MAGI2: variants seen among roughly 807,000 people sequenced by gnomAD.
The protein encoded by MAGI2 is membrane-associated guanylate kinase, WW and PDZ domain-containing protein 2.
MAGI2 carries 35 observed loss-of-function variants against 133.3 expected under a neutral mutation model. The ratio of observed to expected loss-of-function variants is 0.26; its 90% CI spans 0.20 to 0.35. The LOEUF is 0.35. Among genes scored for constraint, MAGI2 ranks in the 10% least tolerant of loss-of-function variants. The probability of loss-of-function intolerance (pLI) is 1.00; values close to 1 mark genes in which losing one functional copy is unlikely to be tolerated. For missense variants in MAGI2, 1,636 were observed against 1,863.4 expected (o/e 0.88, Z 2.25); for synonymous variants, 729 against 710.6 (o/e 1.03, Z -0.41).
chr7:78,765,949 G>C lies in MAGI2; in HGVS notation c.419-138710C>G, dbSNP rs1012122206. ...AGCAGAGGCACCAGCATGTGCTAAG[G>C]TCCTGAGAGGGAAGGAAATATGATG... On this transcript the variant is annotated intron_variant, in intron 2 of 21. Transcript: ENST00000354212. Among the ~76,000 whole-genome samples the C allele has an allele frequency of 2.0e-5, 3 of 152,310 alleles. No homozygotes were observed. The East Asian group carries it at 5.8e-4, about 30-fold the overall frequency.
chr7:78,997,609 A>G (rs1806437501), intron 2 of MAGI2, among the ~76,000 whole-genome samples: 1 of 151,590 alleles, frequency 6.6e-6, no homozygotes, highest in Non-Finnish European at 1.5e-5. Context: ...CTCAATTAAA[A>G]AAAAAAAAAA....
chr7:79,140,934 A>T (rs1673428911), intron 1 of MAGI2, among the ~76,000 whole-genome samples: 1 of 152,324 alleles, frequency 6.6e-6, no homozygotes, highest in Non-Finnish European at 1.5e-5. Flanking sequence ...GTTTGGTTAT[A>T]GCATCAATAC....
At position 78,764,496 on chromosome 7, in the gene MAGI2, G is replaced by A. The variant is rs141277531; in HGVS notation, c.419-137257C>T. Among the ~76,000 whole-genome samples, 829 of 152,316 alleles carry A rather than the reference G, an allele frequency of 5.4e-3. 9 individuals are homozygous for A. The highest frequency in any genetic ancestry group is 0.019 in the African/African-American group (793 of 41,586). ...TTTATACTTAGGAAAGGAAATGTGAGTAGTATCTTAACACAGCTTGTGCTA... is the reference window on the plus strand; with the variant it reads ...TTTATACTTAGGAAAGGAAATGTGAATAGTATCTTAACACAGCTTGTGCTA... On this transcript the variant is annotated intron_variant, in intron 2 of 21. Coordinates refer to ENST00000354212, the MANE Select transcript of MAGI2 (RefSeq NM_012301.4).
chr7:78,310,305 C>T (rs377280541), intron 9 of MAGI2, among the ~76,000 whole-genome samples: 12 of 152,076 alleles, frequency 7.9e-5, no homozygotes, highest in East Asian at 3.9e-4. Context: ...CATGGTGGCA[C>T]GCACCTGTAG....
At chr7:78,455,515 G>A (rs955280494) in intron 6 of MAGI2, among the ~76,000 whole-genome samples, 1 of 152,064 alleles carries the variant, frequency 6.6e-6, no homozygotes, top group African/African-American at 2.4e-5. Flanking sequence ...TTTTCAACCA[G>A]TTTTAAATAT....
At chr7:79,105,597 G>C in intron 1 of MAGI2, among the ~76,000 whole-genome samples, 1 of 152,158 alleles carries the variant, frequency 6.6e-6, no homozygotes, top group East Asian at 1.9e-4. Flanking sequence ...TTGCTTCTCA[G>C]CTGCCTCTGT....
At chr7:79,014,860 C>T (rs1808530346) in intron 1 of MAGI2, among the ~76,000 whole-genome samples, 1 of 151,984 alleles carries the variant, frequency 6.6e-6, no homozygotes, top group South Asian at 2.1e-4. Flanking sequence ...TGGTTTATTG[C>T]CTCTCTAACT....
rs115509158 is a variant in MAGI2 at position 78,235,441 on chromosome 7, C to G, written c.2047+20502G>C. 5.7e-3 allele frequency among the ~76,000 whole-genome samples: 874 copies of G among 152,270 alleles called. 9 individuals carry two copies. The highest frequency in any genetic ancestry group is 0.02 in the African/African-American group (815 of 41,566). ...TGAACTGTAGTTCCCATAATCTCCA[C>G]GTGTCGTGGGAGGAACCCAGTGGGA... On this transcript the variant is annotated intron_variant, in intron 10 of 21. Transcript: ENST00000354212.
At position 79,005,086 on chromosome 7, in the gene MAGI2, A is replaced by G. The variant is rs1807304948; in HGVS notation, c.418+2004T>C. Among the ~76,000 whole-genome samples, 4 of 139,204 alleles carry G rather than the reference A, an allele frequency of 2.9e-5. No homozygotes were observed. The East Asian group carries it at 6.3e-4, about 22-fold the overall frequency. 91.3% of individuals were successfully genotyped at this position (139,204 alleles called of 152,430 possible). ...AACAAGAGCAAAACTCCATCTCAAG[A>G]AAAAAAAAAAAAAAAGATATACTGA... On this transcript the variant is annotated intron_variant, in intron 2 of 21. Transcript: ENST00000354212.
chr7:79,424,417 G>A, intron 1 of MAGI2, among the ~76,000 whole-genome samples: 1 of 152,068 alleles, frequency 6.6e-6, no homozygotes, highest in Admixed American at 6.6e-5. Context: ...TGGTTAGTGG[G>A]AAGGGGAGGT....
At chr7:79,306,211 A>G (rs1472967818) in intron 1 of MAGI2, among the ~76,000 whole-genome samples, 2 of 146,204 alleles carry the variant, frequency 1.4e-5, no homozygotes, top group East Asian at 3.9e-4. Flanking sequence ...ATGTATATAT[A>G]TATGTGTATA....
chr7:78,898,507 C>T (rs775895365), intron 2 of MAGI2, among the ~76,000 whole-genome samples: 42 of 152,234 alleles, frequency 2.8e-4, no homozygotes, highest in South Asian at 1.9e-3. Flanking sequence ...TTTGCAGGAA[C>T]GTGGATGGAG....
At chr7:79,370,638 C>T (rs1842990620) in intron 1 of MAGI2, among the ~76,000 whole-genome samples, 1 of 135,430 alleles carries the variant, frequency 7.4e-6, no homozygotes, top group African/African-American at 3.1e-5. Context: ...TTGGGGATTC[C>T]ATTAGTTCTT....
intron 2 of MAGI2, among the ~76,000 whole-genome samples, chr7:78,989,192 C>T (rs1805531689): frequency 6.6e-6 from 1 of 152,008 alleles, no homozygotes; most frequent in Admixed American, 6.6e-5. Context: ...TGCTGCTACT[C>T]TCATCTTTCC....
intron 6 of MAGI2, among the ~76,000 whole-genome samples, chr7:78,423,664 T>C (rs1799006094): frequency 1.3e-5 from 2 of 152,042 alleles, no homozygotes; most frequent in South Asian, 2.1e-4. Flanking sequence ...GACAATAAGG[T>C]CCAGGCTGAG....
intron 2 of MAGI2, among the ~76,000 whole-genome samples, chr7:78,705,697 C>A (rs1367243651): frequency 6.6e-6 from 1 of 152,018 alleles, no homozygotes; most frequent in Non-Finnish European, 1.5e-5. Flanking sequence ...CCAATATTTT[C>A]TGGGAGAACT....
At chr7:78,076,529 T>C (rs1815316917) in intron 21 of MAGI2, among the ~76,000 whole-genome samples, 1 of 150,248 alleles carries the variant, frequency 6.7e-6, no homozygotes, top group South Asian at 2.1e-4. Flanking sequence ...ACTGTAATCA[T>C]ATCTTTTTAG....
At chr7:78,650,638 T>C (rs1280790943) in intron 2 of MAGI2, among the ~76,000 whole-genome samples, 1 of 147,162 alleles carries the variant, frequency 6.8e-6, no homozygotes, top group African/African-American at 2.5e-5. Context: ...GTTAGGAAAT[T>C]TATTTTATGG....
intron 9 of MAGI2, among the ~76,000 whole-genome samples, chr7:78,288,815 C>T (rs189739680): frequency 2.4e-3 from 368 of 152,300 alleles, no homozygotes; most frequent in African/African-American, 6.2e-3. Context: ...CTGCAGCCTC[C>T]GCTGGTGATA....
Sources: gnomAD v4.1 joint callset for allele counts (sites outside exome capture counted in the v4.1 genomes callset) on GRCh38, gnomAD v4.1.1 for gene constraint, MANE v1.5 for transcripts, NCBI Gene and HGNC (gene_info 2026-07-23, HGNC 2026-07-21) for gene names.